The following LIFR variants were observed in gnomAD, a reference collection of about 807,000 sequenced individuals.
LIFR encodes LIF receptor subunit alpha, also known as leukemia inhibitory factor receptor.
Under a neutral mutation model 122.2 loss-of-function variants are expected in LIFR, and 84 were observed. The observed-to-expected ratio is 0.69, with a 90% CI of 0.58 to 0.82. The LOEUF (loss-of-function observed/expected upper bound fraction) is 0.82, where lower values mean the gene tolerates loss of function less well. Ranked by LOEUF, LIFR falls within the 40% of genes least tolerant of loss-of-function variation. The pLI, the probability that LIFR is intolerant of heterozygous loss-of-function variation, is 0.00. For missense variants in LIFR, 1,294 were observed against 1,311.6 expected, an observed-to-expected ratio of 0.99 and a Z score of 0.21; for synonymous variants, 422 against 434.7, an observed-to-expected ratio of 0.97 and a Z score of 0.36.
chr5:38,553,819 C>A (rs1329776192), intron 1 of LIFR, among the ~76,000 whole-genome samples: 2 of 151,142 alleles, frequency 1.3e-5, no homozygotes, highest in Non-Finnish European at 3.0e-5. Flanking sequence ...CTAGCATTAG[C>A]ATTACTTTTA....
intron 1 of LIFR, among the ~76,000 whole-genome samples, chr5:38,547,771 T>C (rs569535712): frequency 6.6e-6 from 1 of 152,312 alleles, no homozygotes; most frequent in East Asian, 1.9e-4. Context: ...GTGAACATCA[T>C]AGAGTGTACT....
intron 5 of LIFR, among the ~76,000 whole-genome samples, chr5:38,516,503 T>A (rs1746089847): frequency 6.6e-6 from 1 of 152,088 alleles, no homozygotes; most frequent in Admixed American, 6.6e-5. Flanking sequence ...AAAACCACAA[T>A]GAGATACCAT....
At chr5:38,492,736 G>A (rs894563758) in intron 14 of LIFR, among the ~76,000 whole-genome samples, 1 of 152,164 alleles carries the variant, frequency 6.6e-6, no homozygotes, top group Admixed American at 6.5e-5. Flanking sequence ...GTAAGGAGCA[G>A]GCTGCTTGCT....
intron 1 of LIFR, among the ~76,000 whole-genome samples, chr5:38,541,722 G>T (rs181958672): frequency 6.6e-6 from 1 of 152,036 alleles, no homozygotes; most frequent in African/African-American, 2.4e-5. Flanking sequence ...AAAAAAATGG[G>T]CAAAATAGCA....
At chr5:38,601,472 A>G (rs900473612) in intron 2 of LIFR, among the ~76,000 whole-genome samples, 5 of 152,330 alleles carry the variant, frequency 3.3e-5, no homozygotes, top group Middle Eastern at 3.4e-3. Context: ...TGCCAGGTGC[A>G]GGTGGGTCTG....
rs1743672086 is a variant in LIFR, at chr5:38,475,271, GT to G, written c.*6323del. 5.2e-6 allele frequency: 1 copy of G among 193,072 alleles called. No individual in the cohort carries two copies. The highest frequency in any genetic ancestry group is 1.1e-5 in the Non-Finnish European group (1 of 92,532). 12.0% of individuals were successfully genotyped at this position (193,072 alleles called of 1,614,324 possible). A position where few individuals can be genotyped will look rare whatever the true frequency, so the allele number is the denominator to read the frequency against. On this transcript the variant is annotated 3_prime_UTR_variant, in exon 20 of 20. Coordinates refer to ENST00000453190, the MANE Select transcript of LIFR (RefSeq NM_001127671.2). ...AGGAAATGCTTCAGTTATCATCTAA[GT>G]GGAGTTGTTTTATTCCATATTACTC... is the stretch of plus-strand genomic sequence containing the variant.
chr5:38,511,684 T>C lies in LIFR; in HGVS notation c.736+106A>G, dbSNP rs994532889. ...CTTAGACGCTCCCAGGTAATCCTCA[T>C]GCAGCTGAATGAGGTTATGAGAAGT... On this transcript the variant is annotated intron_variant, in intron 6 of 19. Coordinates refer to ENST00000453190, the MANE Select transcript of LIFR (RefSeq NM_001127671.2). 9 of 1,090,976 alleles carry C rather than the reference T, an allele frequency of 8.2e-6. No individual in the cohort carries two copies. The African/African-American group carries it at 1.1e-4, about 13-fold the overall frequency. 67.6% of individuals were successfully genotyped at this position (1,090,976 alleles called of 1,614,324 possible).
intron 1 of LIFR, among the ~76,000 whole-genome samples, chr5:38,566,166 T>C (rs982659606): frequency 6.6e-6 from 1 of 152,200 alleles, no homozygotes; most frequent in African/African-American, 2.4e-5. Flanking sequence ...GTTTTAGATA[T>C]AAGCTTAAAA....
intron 1 of LIFR, among the ~76,000 whole-genome samples, chr5:38,580,861 G>A (rs1472052059): frequency 2.0e-5 from 3 of 152,000 alleles, no homozygotes; most frequent in South Asian, 2.1e-4. Context: ...TATGAGACTC[G>A]AGATGTTCTT....
intron 14 of LIFR, 68 bp from the exon 15 acceptor site, chr5:38,490,359 A>G: frequency 1.4e-6 from 1 of 716,452 alleles, no homozygotes; most frequent in Non-Finnish European, 2.4e-6. Flanking sequence ...TAGAAACATC[A>G]AGTTCATAAC....
In LIFR at chr5:38,479,705, T is replaced by C. The variant is rs889264989; in HGVS notation, c.*1890A>G. 4.3e-6 allele frequency: 1 copy of C among 231,580 alleles called. No individual in the cohort carries two copies. The highest frequency in any genetic ancestry group is 2.2e-5 in the African/African-American group (1 of 45,240). 14.3% of individuals were successfully genotyped at this position (231,580 alleles called of 1,614,324 possible). On this transcript the variant is annotated 3_prime_UTR_variant, in exon 20 of 20. Transcript: ENST00000453190. ...AGCAGACAATGCTAACAGCAAGCTTTGGCAGGGAGAGAAGGCAGCCCCAGG... is the reference window on the plus strand; with the variant it reads ...AGCAGACAATGCTAACAGCAAGCTTCGGCAGGGAGAGAAGGCAGCCCCAGG...
rs112709056 is a variant in LIFR, at chr5:38,494,842, G to C, written c.1886-1057C>G. On this transcript the variant is annotated intron_variant, in intron 13 of 19. Coordinates refer to ENST00000453190, the MANE Select transcript of LIFR (RefSeq NM_001127671.2). ...TACTTAATCACCCACAGGCTACAGA[G>C]AGCGTTCAGTAAAACCAACACAGAC... Among the ~76,000 whole-genome samples, 690 of 152,256 alleles carry C rather than the reference G, an allele frequency of 4.5e-3. 7 individuals are homozygous for C. Among genetic ancestry groups the C allele is most frequent in the African/African-American group, 0.015 (641 of 41,548 alleles).
chr5:38,565,384 G>A (rs1231186475), intron 1 of LIFR, among the ~76,000 whole-genome samples: 2 of 151,962 alleles, frequency 1.3e-5, no homozygotes, highest in Non-Finnish European at 2.9e-5. Context: ...ACTAATTTAG[G>A]CAAAAAGGGA....
chr5:38,523,577 T>A lies in LIFR; in HGVS notation c.403A>T (p.Ile135Phe). 1 of 1,611,806 alleles carries A rather than the reference T, an allele frequency of 6.2e-7. No homozygotes were observed. The highest frequency in any genetic ancestry group is 1.1e-5 in the South Asian group (1 of 90,938). ...TTCAAGATCTCTGGAGTATCTGGAA[T>A]TAAGGCTTTAAAAAGAGGAAACAAA... ...FTLNEQNVSL[I>F]PDTPEILNLS... Residue 135 changes from isoleucine (I) to phenylalanine (F), a missense_variant, in exon 5 of 20, where the codon ATT (isoleucine) becomes TTT (phenylalanine). Ile to Phe is a conservative substitution (Grantham distance 21). Transcript: ENST00000453190.
chr5:38,525,382 A>G (rs573016503), intron 4 of LIFR, among the ~76,000 whole-genome samples: 87 of 152,324 alleles, frequency 5.7e-4, no homozygotes, highest in Non-Finnish European at 9.0e-4. Flanking sequence ...AATTACATAT[A>G]GTCATGGTAA....
intron 1 of LIFR, among the ~76,000 whole-genome samples, chr5:38,562,071 C>T (rs1161632595): frequency 1.3e-5 from 2 of 152,160 alleles, no homozygotes; most frequent in Non-Finnish European, 2.9e-5. Flanking sequence ...TGAAGACAGC[C>T]AGTGACAGGA....
chr5:38,488,930 C>T, intron 16 of LIFR, 148 bp downstream of exon 16: 1 of 652,640 alleles, frequency 1.5e-6, no homozygotes. Flanking sequence ...CTCTTATATT[C>T]ATAGAATTAC....
At chr5:38,528,576 A>AG in intron 3 of LIFR, 150 bp downstream of exon 3, 1 of 677,974 alleles carries the variant, frequency 1.5e-6, no homozygotes, top group Non-Finnish European at 2.7e-6. Flanking sequence ...CCTACAGGAG[A>AG]AAAATGAGGC....
chr5:38,506,317 AGAG>A (rs780740774), intron 8 of LIFR, among the ~76,000 whole-genome samples, 183 bp downstream of exon 8: 1 of 152,180 alleles, frequency 6.6e-6, no homozygotes, highest in African/African-American at 2.4e-5. Flanking sequence ...GCTTCTTAAA[AGAG>A]GAGACATAAA....
Sources: gnomAD v4.1 joint callset for allele counts (sites outside exome capture counted in the v4.1 genomes callset) on GRCh38, gnomAD v4.1.1 for gene constraint, MANE v1.5 for transcripts, NCBI Gene and HGNC (gene_info 2026-07-23, HGNC 2026-07-21) for gene names.